The following ANKS1B variants were observed in gnomAD, a reference collection of about 807,000 sequenced individuals.
ANKS1B encodes the protein ankyrin repeat and sterile alpha motif domain-containing protein 1B.
ANKS1B carries 36 observed loss-of-function variants against 148.3 expected under a neutral mutation model. The ratio of observed to expected loss-of-function variants is 0.24; its 90% CI spans 0.19 to 0.32. The LOEUF (loss-of-function observed/expected upper bound fraction) is 0.32. Ranked by LOEUF, ANKS1B falls within the 10% of genes least tolerant of loss-of-function variation. The pLI is 1.00. For missense variants in ANKS1B, 1,157 were observed against 1,542.6 expected (o/e 0.75, Z 4.19); for synonymous variants, 542 against 560.8 (o/e 0.97, Z 0.47).
chr12:99,279,696 T>C lies in ANKS1B; in HGVS notation c.1757-32832A>G, dbSNP rs866184259. On this transcript the variant is annotated intron_variant, in intron 12 of 26. Transcript: ENST00000683438. ...AATATAGGAATAAGATGGGGGTTTC[T>C]ATAACTGTCTAAATTACTGAGAAAT... 5.9e-5 allele frequency among the ~76,000 whole-genome samples: 9 copies of C among 152,316 alleles called. No homozygotes were observed. In the South Asian group the frequency reaches 1.0e-3, roughly 18 times the overall value.
intron 24 of ANKS1B, among the ~76,000 whole-genome samples, chr12:98,773,924 G>A (rs1593277247): frequency 1.3e-5 from 2 of 152,204 alleles, no homozygotes; most frequent in South Asian, 2.1e-4. Flanking sequence ...CAAATCCCTC[G>A]CCATCATGCT....
chr12:99,611,580 G>A (rs368427683), intron 9 of ANKS1B, among the ~76,000 whole-genome samples: 4 of 152,016 alleles, frequency 2.6e-5, no homozygotes, highest in African/African-American at 4.8e-5. Flanking sequence ...ACAGGGCTTC[G>A]GGGCGTTTCA....
intron 17 of ANKS1B, among the ~76,000 whole-genome samples, chr12:98,876,723 G>T (rs1019180347): frequency 1.3e-5 from 2 of 152,204 alleles, no homozygotes; most frequent in African/African-American, 4.8e-5. Context: ...AGAATGTGCA[G>T]AAGGACCTCC....
chr12:99,462,971 C>T (rs1031252778), intron 10 of ANKS1B, among the ~76,000 whole-genome samples: 18 of 152,176 alleles, frequency 1.2e-4, no homozygotes, highest in Admixed American at 2.0e-4. Flanking sequence ...ATGTTCATGC[C>T]ATGCTTGAAC....
chr12:99,975,603 C>T (rs140284303), intron 1 of ANKS1B, among the ~76,000 whole-genome samples: 1 of 152,128 alleles, frequency 6.6e-6, no homozygotes, highest in African/African-American at 2.4e-5. Flanking sequence ...TGTTTGTTGG[C>T]CACTTGTATG....
intron 9 of ANKS1B, among the ~76,000 whole-genome samples, chr12:99,644,756 G>A (rs1297451531): frequency 6.6e-6 from 1 of 152,124 alleles, no homozygotes; most frequent in East Asian, 1.9e-4. Flanking sequence ...AGTTCTCAAG[G>A]TCAAAGTCTA....
chr12:99,903,617 G>C (rs1370549107), intron 1 of ANKS1B, among the ~76,000 whole-genome samples: 1 of 152,036 alleles, frequency 6.6e-6, no homozygotes, highest in Non-Finnish European at 1.5e-5. Flanking sequence ...GACAGGTAAA[G>C]TTAATTTTAA....
chr12:99,818,403 TGTAAC>T (rs1339632955), intron 2 of ANKS1B, among the ~76,000 whole-genome samples: 1 of 151,826 alleles, frequency 6.6e-6, no homozygotes, highest in African/African-American at 2.4e-5. Context: ...CATTTACTAA[TGTAAC>T]CAAATATCAC....
At chr12:98,886,253 G>C (rs1197735655) in intron 17 of ANKS1B, among the ~76,000 whole-genome samples, 1 of 152,108 alleles carries the variant, frequency 6.6e-6, no homozygotes, top group Non-Finnish European at 1.5e-5. Context: ...GTGGACCTAA[G>C]GAAGCAAATT....
chr12:99,438,647 T>A (rs1284727191), intron 11 of ANKS1B, among the ~76,000 whole-genome samples: 1 of 151,622 alleles, frequency 6.6e-6, no homozygotes, highest in Non-Finnish European at 1.5e-5. Flanking sequence ...AAAGACTACA[T>A]AAAATGTATA....
intron 15 of ANKS1B, among the ~76,000 whole-genome samples, chr12:99,091,836 T>C (rs1032375202): frequency 6.6e-6 from 1 of 152,148 alleles, no homozygotes; most frequent in Non-Finnish European, 1.5e-5. Context: ...CCATAGCTGA[T>C]AGGAGACTTT....
At chr12:99,873,899 C>CT (rs1341670670) in intron 1 of ANKS1B, among the ~76,000 whole-genome samples, 1 of 151,976 alleles carries the variant, frequency 6.6e-6, no homozygotes, top group Non-Finnish European at 1.5e-5. Flanking sequence ...TGGACTGGAA[C>CT]TGCAAGTCTT....
At chr12:99,893,102 G>C (rs1383192286) in intron 1 of ANKS1B, among the ~76,000 whole-genome samples, 2 of 151,832 alleles carry the variant, frequency 1.3e-5, no homozygotes, top group Non-Finnish European at 1.5e-5. Context: ...GGGGTTCAGG[G>C]GGTTGATTTA....
intron 17 of ANKS1B, among the ~76,000 whole-genome samples, chr12:99,001,221 C>T (rs1294010181): frequency 6.6e-6 from 1 of 152,106 alleles, no homozygotes; most frequent in Non-Finnish European, 1.5e-5. Flanking sequence ...CTGCCTCAAT[C>T]TCCTGGGCTC....
At chr12:99,082,897 G>A (rs756233513) in intron 16 of ANKS1B, among the ~76,000 whole-genome samples, 1 of 152,118 alleles carries the variant, frequency 6.6e-6, no homozygotes, top group Non-Finnish European at 1.5e-5. Context: ...CAGGCACTGT[G>A]CTAGGTGCTA....
chr12:98,963,682 T>C (rs938541493), intron 17 of ANKS1B, among the ~76,000 whole-genome samples: 2 of 152,070 alleles, frequency 1.3e-5, no homozygotes, highest in Non-Finnish European at 2.9e-5. Flanking sequence ...AGCTTCTGCA[T>C]AGTAAAAGAA....
intron 10 of ANKS1B, among the ~76,000 whole-genome samples, chr12:99,462,801 C>T (rs2096005811): frequency 6.6e-6 from 1 of 152,152 alleles, no homozygotes; most frequent in Non-Finnish European, 1.5e-5. Context: ...CTGGTGCCCT[C>T]CCTGTGGAGG....
At chr12:99,731,087 T>G (rs1443750036) in intron 8 of ANKS1B, among the ~76,000 whole-genome samples, 2 of 151,156 alleles carry the variant, frequency 1.3e-5, no homozygotes, top group African/African-American at 4.9e-5. Context: ...ATTACAGGAA[T>G]GCACCACCAC....
intron 12 of ANKS1B, among the ~76,000 whole-genome samples, chr12:99,381,805 A>G (rs886463512): frequency 9.9e-5 from 15 of 152,196 alleles, no homozygotes; most frequent in African/African-American, 3.6e-4. Context: ...ACATTGCTTA[A>G]TTGTCACTAT....
Sources: allele counts gnomAD v4.1 joint callset (sites outside exome capture counted in the v4.1 genomes callset), GRCh38; gene constraint gnomAD v4.1.1; transcripts MANE v1.5; gene names NCBI Gene and HGNC (gene_info 2026-07-23, HGNC 2026-07-21).